PGBD2: variants seen among roughly 807,000 people sequenced by gnomAD.
PGBD2 encodes the protein piggyBac transposable element-derived protein 2.
PGBD2 carries 6 observed loss-of-function variants against 8.1 expected under a neutral mutation model. The ratio of observed to expected loss-of-function variants is 0.74; its 90% confidence interval spans 0.40 to 1.46. PGBD2 has a LOEUF of 1.46. PGBD2 is among the 40% of genes most tolerant of loss of function. The probability of loss-of-function intolerance (pLI) is 0.02; values close to 1 mark genes in which losing one functional copy is unlikely to be tolerated. For missense variants in PGBD2, 802 were observed against 739.0 expected (o/e 1.09, Z -0.99); for synonymous variants, 318 against 272.2 (o/e 1.17, Z -1.66).
chr1:248,923,594 G>T (rs968306404), downstream of PGBD2, among the ~76,000 whole-genome samples: 1 of 152,196 alleles, frequency 6.6e-6, no homozygotes, highest in African/African-American at 2.4e-5. Flanking sequence ...CTGTTAAACA[G>T]AAAATAATCA....
intron 1 of PGBD2, among the ~76,000 whole-genome samples, chr1:248,911,393 G>A (rs1355281570): frequency 6.7e-6 from 1 of 150,308 alleles, no homozygotes; most frequent in Non-Finnish European, 1.5e-5. Context: ...ATTCAACCCT[G>A]AGTGGACACA....
At chr1:248,906,955 G>C (rs1010579372) in intron 1 of PGBD2, among the ~76,000 whole-genome samples, 1 of 152,132 alleles carries the variant, frequency 6.6e-6, no homozygotes, top group Non-Finnish European at 1.5e-5. Context: ...GGGATATCTT[G>C]TCAGGTGGGA....
chr1:248,919,579 AT>A (rs138801981), downstream of PGBD2: 10 of 166,344 alleles, frequency 6.0e-5, no homozygotes, highest in African/African-American at 4.9e-5. Context: ...CAATATACTG[AT>A]TTTTTTTTCT....
the PGBD2 span, among the ~76,000 whole-genome samples, chr1:248,874,747 C>T: frequency 9.9e-5 from 15 of 152,104 alleles, no homozygotes; most frequent in African/African-American, 3.4e-4. Flanking sequence ...TCTCCCTCAC[C>T]CCAGCATCTA....
the PGBD2 span, among the ~76,000 whole-genome samples, chr1:248,887,275 G>A: frequency 6.6e-6 from 1 of 152,124 alleles, no homozygotes; most frequent in Non-Finnish European, 1.5e-5. Context: ...GTCTAATCCA[G>A]GATCCCAAAT....
chr1:248,918,017 G>T lies in PGBD2; in HGVS notation c.1433G>T (p.Arg478Leu). ...QNIAKYKVKI[R>L]GMKWYSSFIG... The stretch of plus-strand genomic sequence containing the variant: ...ATTGCCAAGTACAAGGTGAAGATCC[G>T]AGGCATGAAGTGGTACTCAAGCTTT... Residue 478 changes from arginine (R) to leucine (L), a missense_variant, in exon 3 of 3, where the codon CGA (arginine) becomes CTA (leucine). Physicochemically the swap from Arg to Leu is moderately radical, Grantham distance 102. Transcript: ENST00000329291. 1 of 1,614,164 alleles carries T rather than the reference G, an allele frequency of 6.2e-7. No individual in the cohort carries two copies. Among genetic ancestry groups the T allele is most frequent in the Non-Finnish European group, 8.5e-7 (1 of 1,180,034 alleles).
intron 1 of PGBD2, among the ~76,000 whole-genome samples, chr1:248,911,790 C>CGGGGG (rs1661900048): frequency 6.7e-6 from 1 of 148,880 alleles, no homozygotes; most frequent in African/African-American, 2.4e-5. Context: ...GCTGGCCGGG[C>CGGGGG]GCTCCCCCAG....
chr1:248,873,141 AGTGGTATCTGGG>A, the PGBD2 span, among the ~76,000 whole-genome samples: 9 of 151,636 alleles, frequency 5.9e-5, no homozygotes, highest in Admixed American at 2.0e-4. Flanking sequence ...TGCCTGGACG[AGTGGTATCTGGG>A]CTCACAGGTA....
the PGBD2 span, among the ~76,000 whole-genome samples, chr1:248,898,336 A>C: frequency 1.3e-5 from 2 of 152,216 alleles, 1 homozygote; most frequent in Non-Finnish European, 2.9e-5. Context: ...GGCTTGAATC[A>C]GGTCAATGTT....
upstream of PGBD2, among the ~76,000 whole-genome samples, chr1:248,904,819 C>A (rs902055335): frequency 6.6e-6 from 1 of 152,214 alleles, no homozygotes; most frequent in African/African-American, 2.4e-5. Flanking sequence ...TCTTATTGGT[C>A]CCCTTTGCTT....
chr1:248,873,872 G>A, the PGBD2 span, among the ~76,000 whole-genome samples: 1 of 152,224 alleles, frequency 6.6e-6, no homozygotes, highest in Admixed American at 6.5e-5. Context: ...TGGCCGAGTG[G>A]TCTAAGGCGC....
At chr1:248,914,345 G>A (rs980648558) in intron 2 of PGBD2, 25 of 945,736 alleles carry the variant, frequency 2.6e-5, no homozygotes, top group Non-Finnish European at 3.1e-5. Flanking sequence ...AGGAAAGCGT[G>A]AAGATGGCTG....
chr1:248,924,552 AAAG>A (rs1371278986), downstream of PGBD2, among the ~76,000 whole-genome samples: 2 of 152,258 alleles, frequency 1.3e-5, no homozygotes, highest in East Asian at 3.8e-4. Context: ...TCACATATCA[AAAG>A]AAGTTCTCTT....
the PGBD2 span, among the ~76,000 whole-genome samples, chr1:248,900,004 T>C: frequency 5.6e-4 from 83 of 148,008 alleles, no homozygotes; most frequent in Admixed American, 1.2e-3. Flanking sequence ...TTGCTGGATA[T>C]ATACACCCTC....
chr1:248,914,414 C>T (rs1432518911), intron 2 of PGBD2: 35 of 1,241,934 alleles, frequency 2.8e-5, no homozygotes, highest in Admixed American at 8.5e-5. Flanking sequence ...CCCTTTAAGC[C>T]GGTCTCTTTT....
chr1:248,914,008 AG>A, intron 2 of PGBD2, 129 bp downstream of exon 2: 1 of 833,324 alleles, frequency 1.2e-6, no homozygotes, highest in Admixed American at 1.9e-5. Context: ...GTATAAAGGA[AG>A]AAGGGAGAGG....
the PGBD2 span, among the ~76,000 whole-genome samples, chr1:248,889,793 G>T: frequency 6.6e-6 from 1 of 152,038 alleles, no homozygotes; most frequent in Non-Finnish European, 1.5e-5. Flanking sequence ...AGACTCGGGG[G>T]ATATGCTTGC....
At chr1:248,880,841 T>C in the PGBD2 span, among the ~76,000 whole-genome samples, 8,808 of 152,304 alleles carry the variant, frequency 0.058, 362 homozygotes, top group Non-Finnish European at 0.083. Context: ...TCTGGGCTTG[T>C]GTTTTTATCT....
the PGBD2 span, among the ~76,000 whole-genome samples, chr1:248,880,354 C>A: frequency 1.3e-5 from 2 of 152,098 alleles, no homozygotes; most frequent in African/African-American, 2.4e-5. Flanking sequence ...GTTGTTGTTG[C>A]CAGTCAGATG....
Sources: allele counts gnomAD v4.1 joint callset (sites outside exome capture counted in the v4.1 genomes callset), GRCh38; gene constraint gnomAD v4.1.1; transcripts MANE v1.5; gene names NCBI Gene and HGNC (gene_info 2026-07-23, HGNC 2026-07-21).